The following EIF2S2 variants were observed in gnomAD, a reference collection of about 807,000 sequenced individuals.
The protein encoded by EIF2S2 is eukaryotic translation initiation factor 2 subunit 2.
Under a neutral mutation model 44.0 loss-of-function variants are expected in EIF2S2, and 4 were observed. That is an observed-to-expected ratio of 0.09 (90% confidence interval 0.04 to 0.21). The LOEUF (loss-of-function observed/expected upper bound fraction) is 0.21. Ranked by LOEUF, EIF2S2 falls within the 10% of genes least tolerant of loss-of-function variation. The pLI, the probability that EIF2S2 is intolerant of heterozygous loss-of-function variation, is 1.00. For synonymous variants in EIF2S2, 108 were observed against 128.3 expected, an observed-to-expected ratio of 0.84 and a Z score of 1.07; for missense variants, 154 against 392.0, an observed-to-expected ratio of 0.39 and a Z score of 5.13.
At position 34,112,067 on chromosome 20, in the gene EIF2S2, T is replaced by C. The variant is rs755203985; in HGVS notation, c.15+29A>G. ...GGGTTAGGCTTCTCGCCTCAATCCT[T>C]AGCCCTTACGCCGGGCTCAGATCCT... On this transcript the variant is annotated intron_variant, in intron 1 of 8. Coordinates refer to ENST00000374980, the MANE Select transcript of EIF2S2 (RefSeq NM_003908.5). The C allele has an allele frequency of 9.1e-6, 14 of 1,533,656 alleles. 1 individual carries two copies. The South Asian group carries it at 1.3e-4, about 15-fold the overall frequency.
At position 34,088,376 on chromosome 20, in the gene EIF2S2, G is replaced by A. The variant is rs1267102604; in HGVS notation, c.*1354C>T. On this transcript the variant is annotated 3_prime_UTR_variant, in exon 9 of 9. Transcript: ENST00000374980. ...ATCCAACATTGGGAATCGTGTGGGT[G>A]TAGATACAAAAAAAGGAAAATGGGG... 3 of 152,142 alleles carry A rather than the reference G, an allele frequency of 2.0e-5. No homozygotes were observed. The highest frequency in any genetic ancestry group is 1.3e-4 in the Admixed American group (2 of 15,268). 9.4% of individuals were successfully genotyped at this position (152,142 alleles called of 1,614,324 possible). A position where few individuals can be genotyped will look rare whatever the true frequency, so the allele number is the denominator to read the frequency against.
intron 3 of EIF2S2, among the ~76,000 whole-genome samples, chr20:34,103,068 T>A (rs1275140355): frequency 6.6e-6 from 1 of 152,192 alleles, no homozygotes; most frequent in Non-Finnish European, 1.5e-5. Context: ...GGTTCATTCT[T>A]TGCTGCTTAG....
intron 6 of EIF2S2, among the ~76,000 whole-genome samples, chr20:34,094,968 G>A (rs560828418): frequency 6.6e-6 from 1 of 152,310 alleles, no homozygotes; most frequent in South Asian, 2.1e-4. Context: ...AAAGCAATGT[G>A]CTAATGTTTG....
intron 1 of EIF2S2, among the ~76,000 whole-genome samples, chr20:34,107,071 G>C (rs192680322): frequency 6.6e-6 from 1 of 152,092 alleles, no homozygotes; most frequent in East Asian, 1.9e-4. Flanking sequence ...CTAGCTACTC[G>C]GGAGGCTGAG....
chr20:34,096,879 T>TCC lies in EIF2S2; in HGVS notation c.535-75_535-74insGG, dbSNP rs1568714139. ...TATAAAGTTCCCCTTTGAGTCATGT[T>TCC]GCTTAACAGCAAATACTTCACTTCT... On this transcript the variant is annotated intron_variant, in intron 5 of 8. Coordinates refer to ENST00000374980, the MANE Select transcript of EIF2S2 (RefSeq NM_003908.5). 3 of 1,447,298 alleles carry TCC rather than the reference T, an allele frequency of 2.1e-6. No homozygotes were observed. The African/African-American group carries it at 4.3e-5, about 21-fold the overall frequency. 89.7% of individuals were successfully genotyped at this position (1,447,298 alleles called of 1,614,324 possible).
intron 4 of EIF2S2, 74 bp from the exon 5 acceptor site, chr20:34,097,590 A>G (rs558350174): frequency 1.7e-6 from 2 of 1,209,582 alleles, no homozygotes; most frequent in East Asian, 2.4e-5. Context: ...GTCTAGAGAA[A>G]TGAAGAGTTT....
chr20:34,105,743 A>G (rs1385879685), intron 1 of EIF2S2, among the ~76,000 whole-genome samples, 198 bp from the exon 2 acceptor site: 1 of 152,182 alleles, frequency 6.6e-6, no homozygotes, highest in African/African-American at 2.4e-5. Flanking sequence ...AGGTGAACTG[A>G]AACATGTACA....
intron 7 of EIF2S2, among the ~76,000 whole-genome samples, chr20:34,091,540 A>AC (rs1028631180): frequency 5.3e-5 from 8 of 151,784 alleles, no homozygotes; most frequent in African/African-American, 1.9e-4. Flanking sequence ...ATATGGTGGA[A>AC]CCCCGTCTCT....
At chr20:34,098,803 C>T (rs1241609614) in intron 3 of EIF2S2, among the ~76,000 whole-genome samples, 170 bp from the exon 4 acceptor site, 1 of 152,224 alleles carries the variant, frequency 6.6e-6, no homozygotes, top group Non-Finnish European at 1.5e-5. Context: ...GCTGGGATTA[C>T]AGGCATGAGC....
In EIF2S2 at chr20:34,089,323, T is replaced by C. The variant is rs1318827084; in HGVS notation, c.*407A>G. 3.1e-5 allele frequency: 5 copies of C among 160,120 alleles called. No homozygotes were observed. The highest frequency in any genetic ancestry group is 1.2e-4 in the African/African-American group (5 of 41,650). The allele number at this position is 160,120 out of a possible 1,614,324, so 9.9% of individuals were successfully genotyped here. ...GGCTGCCCAGATGAAGCGCCTGCCA[T>C]TGTTCAGTTTCTCAGTCAGAGCCCG... On this transcript the variant is annotated 3_prime_UTR_variant, in exon 9 of 9. Transcript: ENST00000374980.
intron 1 of EIF2S2, among the ~76,000 whole-genome samples, chr20:34,109,697 C>G (rs1034141772): frequency 1.3e-5 from 2 of 151,748 alleles, no homozygotes; most frequent in Admixed American, 1.3e-4. Context: ...CAAAAAAAAT[C>G]ATAGTTCTAC....
intron 4 of EIF2S2, 102 bp downstream of exon 4, chr20:34,098,396 G>A: frequency 2.2e-6 from 3 of 1,347,204 alleles, no homozygotes. Context: ...TAGAAATAAG[G>A]GGCAAGAAAA....
intron 1 of EIF2S2, among the ~76,000 whole-genome samples, 154 bp downstream of exon 1, chr20:34,111,942 A>G (rs1054059759): frequency 1.3e-5 from 2 of 152,216 alleles, no homozygotes; most frequent in Non-Finnish European, 2.9e-5. Context: ...GCGGCTCCGG[A>G]GTCCTCGCCG....
intron 7 of EIF2S2, among the ~76,000 whole-genome samples, chr20:34,092,163 TAG>T (rs1568711804): frequency 6.6e-6 from 1 of 152,196 alleles, no homozygotes; most frequent in African/African-American, 2.4e-5. Context: ...ATGCTTGATG[TAG>T]AAATTCTTTT....
chr20:34,097,525 A>G lies in EIF2S2; in HGVS notation c.434-9T>C, dbSNP rs773666817. On this transcript the variant is annotated splice_polypyrimidine_tract_variant and intron_variant, in intron 4 of 8. Coordinates refer to ENST00000374980, the MANE Select transcript of EIF2S2 (RefSeq NM_003908.5). Reference sequence around the variant, plus strand: ...GTCTTCATCTTCTAGAGCTACAGATAAAAAAGATTTTAAGAATGAGGGGTG... The same window carrying G: ...GTCTTCATCTTCTAGAGCTACAGATGAAAAAGATTTTAAGAATGAGGGGTG... 2 of 1,610,548 alleles carry G rather than the reference A, an allele frequency of 1.2e-6. No homozygotes were observed. The highest frequency in any genetic ancestry group is 1.7e-6 in the Non-Finnish European group (2 of 1,179,246).
rs1167926372 is a variant in EIF2S2 at position 34,089,004 on chromosome 20, G to A, written c.*726C>T. The A allele has an allele frequency of 6.6e-6, 1 of 152,430 alleles. No individual in the cohort carries two copies. The highest frequency in any genetic ancestry group is 6.6e-5 in the Admixed American group (1 of 15,266). 9.4% of individuals were successfully genotyped at this position (152,430 alleles called of 1,614,324 possible). A position where few individuals can be genotyped will look rare whatever the true frequency, so the allele number is the denominator to read the frequency against. ...AGATGCTCAACTAGGATCTTTTTTA[G>A]TGTGCCAGTTACAAGACACATTTAC... On this transcript the variant is annotated 3_prime_UTR_variant, in exon 9 of 9. Transcript: ENST00000374980.
chr20:34,103,710 CTT>C (rs869170048), intron 2 of EIF2S2, 145 bp from the exon 3 acceptor site: 7,483 of 930,640 alleles, frequency 8.0e-3, no homozygotes, highest in East Asian at 0.013. Flanking sequence ...ACTTATGGTT[CTT>C]TTTTTTTTTT....
chr20:34,098,138 C>T (rs1365566321), intron 4 of EIF2S2, among the ~76,000 whole-genome samples: 3 of 151,562 alleles, frequency 2.0e-5, no homozygotes, highest in South Asian at 4.2e-4. Flanking sequence ...CCCAGCTACT[C>T]GGGAGGCTGA....
At chr20:34,092,890 G>A (rs904815075) in intron 7 of EIF2S2, among the ~76,000 whole-genome samples, 1 of 152,136 alleles carries the variant, frequency 6.6e-6, no homozygotes, top group Non-Finnish European at 1.5e-5. Context: ...AGACCTGATT[G>A]TATCTATCTT....
Sources: gnomAD v4.1 joint callset for allele counts (sites outside exome capture counted in the v4.1 genomes callset) on GRCh38, gnomAD v4.1.1 for gene constraint, MANE v1.5 for transcripts, NCBI Gene and HGNC (gene_info 2026-07-23, HGNC 2026-07-21) for gene names.